The following DTL variants were observed in gnomAD, a reference collection of about 807,000 sequenced individuals.
The protein encoded by DTL is denticleless protein homolog.
In DTL, 46 loss-of-function variants were observed where a neutral mutation model predicts 87.0. That is an observed-to-expected ratio of 0.53 (90% CI 0.42 to 0.68). The LOEUF (loss-of-function observed/expected upper bound fraction) is 0.68. Among genes scored for constraint, DTL ranks in the 30% least tolerant of loss-of-function variants. The pLI, the probability that DTL is intolerant of heterozygous loss-of-function variation, is 0.00. For synonymous variants in DTL, 308 were observed against 311.2 expected, an observed-to-expected ratio of 0.99 and a Z score of 0.11; for missense variants, 737 against 869.4, an observed-to-expected ratio of 0.85 and a Z score of 1.91.
chr1:212,037,550 C>T (rs1667523246), intron 1 of DTL, among the ~76,000 whole-genome samples: 1 of 152,162 alleles, frequency 6.6e-6, no homozygotes. Context: ...CTAACTCTAC[C>T]ATAGGCTACT....
chr1:212,059,245 G>A (rs565917580), intron 5 of DTL, among the ~76,000 whole-genome samples: 292 of 151,280 alleles, frequency 1.9e-3, no homozygotes, highest in Admixed American at 3.7e-3. Context: ...CAGAACATAC[G>A]GACATAGATG....
At chr1:212,089,142 G>A (rs567723601) in intron 13 of DTL, among the ~76,000 whole-genome samples, 23 of 152,154 alleles carry the variant, frequency 1.5e-4, no homozygotes, top group Non-Finnish European at 2.6e-4. Flanking sequence ...TTCTTCGAAG[G>A]AACTGACTTT....
chr1:212,100,515 C>A lies in DTL; in HGVS notation c.1525C>A (p.Pro509Thr). Residue 509 changes from proline to threonine, a missense_variant, in exon 14 of 15, where the codon CCT becomes ACT. Coordinates refer to ENST00000366991, the MANE Select transcript of DTL (RefSeq NM_016448.4). The stretch of plus-strand genomic sequence containing the variant: ...GATTAGAAACTGGGTGACCCGAACA[C>A]CTTCCTCATCACCACCCATCACTCC... The part of the protein sequence containing the change: ...MSIRNWVTRT[P>T]SSSPPITPPA... 6.2e-7 allele frequency: 1 copy of A among 1,614,014 alleles called. No homozygotes were observed. The highest frequency in any genetic ancestry group is 1.3e-5 in the African/African-American group (1 of 74,982).
At chr1:212,097,122 A>G (rs1655475122) in intron 13 of DTL, among the ~76,000 whole-genome samples, 1 of 152,238 alleles carries the variant, frequency 6.6e-6, no homozygotes, top group South Asian at 2.1e-4. Flanking sequence ...CACTGGATAC[A>G]AAATTCTTGG....
chr1:212,066,765 G>GA, intron 7 of DTL, 47 bp from the exon 8 acceptor site: 1 of 1,581,992 alleles, frequency 6.3e-7, no homozygotes, highest in African/African-American at 1.3e-5. Flanking sequence ...TGATGGTAAA[G>GA]ATTATGATGC....
At position 212,104,590 on chromosome 1, in the gene DTL, C is replaced by T. The variant is rs1269668885; in HGVS notation, c.*1650C>T. On this transcript the variant is annotated 3_prime_UTR_variant, in exon 15 of 15. Coordinates refer to ENST00000366991, the MANE Select transcript of DTL (RefSeq NM_016448.4). ...TTGAAAGCCAATGGGGGAAAAAAAT[C>T]CATGAAAAAAAAAAGATTGATAAAG... The T allele has an allele frequency of 6.6e-6, 1 of 151,770 alleles. No individual in the cohort carries two copies. Among genetic ancestry groups the T allele is most frequent in the Non-Finnish European group, 1.5e-5 (1 of 67,944 alleles). The allele number at this position is 151,770 out of a possible 1,614,324, so 9.4% of individuals were successfully genotyped here.
At chr1:212,040,689 C>G (rs540245608) in intron 1 of DTL, among the ~76,000 whole-genome samples, 2 of 152,130 alleles carry the variant, frequency 1.3e-5, no homozygotes, top group African/African-American at 2.4e-5. Context: ...AAAGCAGCTT[C>G]TATGTGATAT....
chr1:212,061,874 T>C (rs937773886), intron 5 of DTL, among the ~76,000 whole-genome samples: 3 of 152,040 alleles, frequency 2.0e-5, no homozygotes, highest in African/African-American at 7.2e-5. Context: ...GAGGGGGGAA[T>C]GAAGAAAGGT....
At chr1:212,080,883 C>CT in intron 13 of DTL, 133 bp downstream of exon 13, 1 of 947,496 alleles carries the variant, frequency 1.1e-6, no homozygotes, top group Non-Finnish European at 1.5e-6. Flanking sequence ...GCCATTCATT[C>CT]TTTTTGATAA....
chr1:212,065,881 T>A (rs1208204501), intron 7 of DTL, among the ~76,000 whole-genome samples: 1 of 151,934 alleles, frequency 6.6e-6, no homozygotes, highest in Non-Finnish European at 1.5e-5. Context: ...AATTTTTTGT[T>A]TTTTTAGTAG....
At chr1:212,056,776 A>G (rs1668190056) in intron 5 of DTL, among the ~76,000 whole-genome samples, 1 of 152,116 alleles carries the variant, frequency 6.6e-6, no homozygotes, top group Admixed American at 6.5e-5. Flanking sequence ...TGAATGAGGA[A>G]TCTACCAAAG....
At chr1:212,069,694 CGCCACCAT>C (rs1654615551) in intron 10 of DTL, among the ~76,000 whole-genome samples, 1 of 151,792 alleles carries the variant, frequency 6.6e-6, no homozygotes, top group Non-Finnish European at 1.5e-5. Context: ...TACAGGCGCC[CGCCACCAT>C]GCCTGGCTAA....
rs541842439 is a variant in DTL, at chr1:212,104,303, T to C, written c.*1363T>C. Reference sequence around the variant, plus strand: ...ATTTGAAAATCTATTCTGACAACTTTTTAATTCCTTTGATCTTATAAGTTA... The same window carrying C: ...ATTTGAAAATCTATTCTGACAACTTCTTAATTCCTTTGATCTTATAAGTTA... On this transcript the variant is annotated 3_prime_UTR_variant, in exon 15 of 15. Transcript: ENST00000366991. 1 of 152,366 alleles carries C rather than the reference T, an allele frequency of 6.6e-6. No individual in the cohort carries two copies. Among genetic ancestry groups the C allele is most frequent in the Non-Finnish European group, 1.5e-5 (1 of 68,028 alleles). The allele number at this position is 152,366 out of a possible 1,614,324, so 9.4% of individuals were successfully genotyped here.
At chr1:212,078,060 G>A (rs17718437) in intron 11 of DTL, 113 bp from the exon 12 acceptor site, 52,978 of 573,580 alleles carry the variant, frequency 0.092, 2,803 homozygotes, top group South Asian at 0.16. Flanking sequence ...GGCAGGTCTA[G>A]TGGCCTTTGG....
At chr1:212,040,199 C>G (rs920819961) in intron 1 of DTL, among the ~76,000 whole-genome samples, 1 of 135,118 alleles carries the variant, frequency 7.4e-6, no homozygotes, top group Admixed American at 7.1e-5. Flanking sequence ...CTTTTCTTAA[C>G]TTTTCAAACC....
intron 11 of DTL, among the ~76,000 whole-genome samples, 178 bp downstream of exon 11, chr1:212,072,391 T>A (rs2102558009): frequency 1.3e-5 from 2 of 152,364 alleles, no homozygotes; most frequent in South Asian, 2.1e-4. Context: ...CTACAGAATG[T>A]ATGACACTTT....
In DTL at chr1:212,100,938, G is replaced by A. The variant is rs1655605015; in HGVS notation, c.1948G>A (p.Val650Ile). 3 of 1,614,032 alleles carry A rather than the reference G, an allele frequency of 1.9e-6. No individual in the cohort carries two copies. Among genetic ancestry groups the A allele is most frequent in the Non-Finnish European group, 2.5e-6 (3 of 1,180,024 alleles). ...ACCTTGTGGAGAAGGGTCTGAAATGGTAGGCAAAGAGAATAGTTCCCCAGA... is the reference window on the plus strand; with the variant it reads ...ACCTTGTGGAGAAGGGTCTGAAATGATAGGCAAAGAGAATAGTTCCCCAGA... ...LRPCGEGSEMVGKENSSPENK... is the reference protein window; with the variant it reads ...LRPCGEGSEMIGKENSSPENK... The change falls in exon 14 of 15, where the codon GTA (valine) becomes ATA (isoleucine). Residue 650 changes from valine (V) to isoleucine (I), a missense_variant. Coordinates refer to ENST00000366991, the MANE Select transcript of DTL (RefSeq NM_016448.4).
At chr1:212,091,096 C>T (rs1300580061) in intron 13 of DTL, among the ~76,000 whole-genome samples, 1 of 152,138 alleles carries the variant, frequency 6.6e-6, no homozygotes, top group Non-Finnish European at 1.5e-5. Context: ...GAAATGTTCA[C>T]AATATATTAA....
At chr1:212,072,956 G>A (rs927043589) in intron 11 of DTL, among the ~76,000 whole-genome samples, 3 of 151,788 alleles carry the variant, frequency 2.0e-5, no homozygotes, top group Non-Finnish European at 4.4e-5. Context: ...TAGTAGAGAC[G>A]GGGTTTCACC....
Sources: allele counts gnomAD v4.1 joint callset (sites outside exome capture counted in the v4.1 genomes callset), GRCh38; gene constraint gnomAD v4.1.1; transcripts MANE v1.5; gene names NCBI Gene and HGNC (gene_info 2026-07-23, HGNC 2026-07-21).